The following DHRS2 variants were observed in gnomAD, a reference collection of about 807,000 sequenced individuals.
The protein encoded by DHRS2 is dehydrogenase/reductase 2, also known as dehydrogenase/reductase SDR family member 2, mitochondrial.
A neutral mutation model predicts 26.3 loss-of-function variants in DHRS2; 29 were observed. The observed-to-expected ratio is 1.10, with a 90% CI of 0.82 to 1.50. The LOEUF (loss-of-function observed/expected upper bound fraction) is 1.50. Ranked by LOEUF, DHRS2 falls within the 40% of genes most tolerant of loss-of-function variation. The pLI is 0.00. For synonymous variants in DHRS2, 164 were observed against 151.3 expected (o/e 1.08, Z -0.62); for missense variants, 439 against 367.1 (o/e 1.20, Z -1.60).
intron 1 of DHRS2, among the ~76,000 whole-genome samples, chr14:23,637,152 C>G (rs1308564199): frequency 6.6e-6 from 1 of 152,298 alleles, no homozygotes; most frequent in South Asian, 2.1e-4. Context: ...GACCCTTGCT[C>G]GCTGGGTCCT....
rs771136730 is a variant in DHRS2 at position 23,639,172 on chromosome 14, C to G, written c.141-7C>G. ...GGCTGACTTTTGCCCTCCATCTCTG[C>G]ATTCAGGATCGGCTTTGCCATCGCC... On this transcript the variant is annotated splice_region_variant and splice_polypyrimidine_tract_variant and intron_variant, in intron 2 of 8. Coordinates refer to ENST00000250383, the MANE Select transcript of DHRS2 (RefSeq NM_005794.4). The G allele has an allele frequency of 6.2e-7, 1 of 1,612,206 alleles. No homozygotes were observed. The highest frequency in any genetic ancestry group is 8.5e-7 in the Non-Finnish European group (1 of 1,179,354).
chr14:23,633,115 C>T (rs1021502780), upstream of DHRS2, among the ~76,000 whole-genome samples: 19 of 152,224 alleles, frequency 1.2e-4, no homozygotes, highest in African/African-American at 4.6e-4. Flanking sequence ...CCTAGACAAG[C>T]ATCCCTGGCA....
rs1215431049 is a variant in DHRS2 at position 23,639,073 on chromosome 14, G to A, written c.140+69G>A. 5.0e-6 allele frequency: 8 copies of A among 1,596,064 alleles called. 1 individual carries two copies. Among genetic ancestry groups the A allele is most frequent in the Non-Finnish European group, 6.8e-6 (8 of 1,171,246 alleles). ...CTTGTGGCTTCCACAAGGACTCAGGGTTTTAAAGCAAGACCCAGCCTTATT... is the reference window on the plus strand; with the variant it reads ...CTTGTGGCTTCCACAAGGACTCAGGATTTTAAAGCAAGACCCAGCCTTATT... On this transcript the variant is annotated intron_variant, in intron 2 of 8. Coordinates refer to ENST00000250383, the MANE Select transcript of DHRS2 (RefSeq NM_005794.4).
chr14:23,632,637 C>G (rs1890151349), upstream of DHRS2, among the ~76,000 whole-genome samples: 1 of 152,174 alleles, frequency 6.6e-6, no homozygotes, highest in Admixed American at 6.5e-5. Context: ...GATACAGACC[C>G]CTAACTCGAA....
At chr14:23,641,586 G>A (rs1388992734) in intron 4 of DHRS2, 6 of 1,286,448 alleles carry the variant, frequency 4.7e-6, no homozygotes, top group Non-Finnish European at 6.1e-6. Context: ...GTATTGGACA[G>A]ATATCCTGTG....
Position 23,636,428 on chromosome 14 carries a change from C to G in DHRS2, c.-383C>G, listed in dbSNP as rs1594236597. 6.6e-6 allele frequency: 1 copy of G among 152,144 alleles called. No homozygotes were observed. The highest frequency in any genetic ancestry group is 2.1e-4 in the South Asian group (1 of 4,818). 9.4% of individuals were successfully genotyped at this position (152,144 alleles called of 1,614,324 possible). ...TGTTCTTTTGGTCTTCATGATAAAT[C>G]TTGCTGCTGCTCACTCGTTGGGTCC... is the stretch of plus-strand genomic sequence containing the variant. On this transcript the variant is annotated 5_prime_UTR_variant, in exon 1 of 9. In the 5' UTR this introduces an upstream ATG that the reference lacks. Coordinates refer to ENST00000250383, the MANE Select transcript of DHRS2 (RefSeq NM_005794.4).
At chr14:23,644,240 C>A (rs1428190697) in intron 6 of DHRS2, 78 bp downstream of exon 6, 89 of 1,581,362 alleles carry the variant, frequency 5.6e-5, no homozygotes, top group Non-Finnish European at 7.5e-5. Context: ...GCCTTACAGA[C>A]AAAGTGCCTG....
At chr14:23,633,144 T>C (rs1429972586), upstream of DHRS2, among the ~76,000 whole-genome samples, 2 of 152,206 alleles carry the variant, frequency 1.3e-5, no homozygotes, top group South Asian at 4.1e-4. Flanking sequence ...TTCATGGTGA[T>C]ATATCTTCAT....
chr14:23,632,811 A>G (rs1314166665), upstream of DHRS2, among the ~76,000 whole-genome samples: 3 of 152,152 alleles, frequency 2.0e-5, no homozygotes, highest in African/African-American at 7.2e-5. Flanking sequence ...GCCTCCTGCA[A>G]GTTCACATCT....
At position 23,644,223 on chromosome 14, in the gene DHRS2, C is replaced by T. The variant is rs1276143053; in HGVS notation, c.540+61C>T. 1.9e-6 allele frequency: 3 copies of T among 1,593,908 alleles called. No individual in the cohort carries two copies. In the African/African-American group the frequency reaches 4.0e-5, roughly 21 times the overall value. On this transcript the variant is annotated intron_variant, in intron 6 of 8. Transcript: ENST00000250383. Reference sequence around the variant, plus strand: ...GGGTGAGGGGCAACTTTGTTCTTTTCCTCAGAGCCTTACAGACAAAGTGCC... The same window carrying T: ...GGGTGAGGGGCAACTTTGTTCTTTTTCTCAGAGCCTTACAGACAAAGTGCC...
chr14:23,645,036 A>G lies in DHRS2; in HGVS notation c.732-106A>G. The G allele has an allele frequency of 2.5e-6, 4 of 1,580,452 alleles. No homozygotes were observed. The South Asian group carries it at 3.4e-5, about 13-fold the overall frequency. On this transcript the variant is annotated intron_variant, in intron 8 of 8. Transcript: ENST00000250383. ...TGGAGGGTGCAAGTAGCCCTGCTGC[A>G]TCCACCTTGTTCCCCATGGAGCCCA...
upstream of DHRS2, among the ~76,000 whole-genome samples, chr14:23,632,907 A>G (rs943521171): frequency 2.6e-5 from 4 of 152,172 alleles, no homozygotes; most frequent in African/African-American, 9.7e-5. Flanking sequence ...GCACACTGCT[A>G]AGTCCCTGAG....
At chr14:23,637,464 C>T (rs528251928) in intron 1 of DHRS2, among the ~76,000 whole-genome samples, 3 of 152,222 alleles carry the variant, frequency 2.0e-5, no homozygotes, top group Admixed American at 6.5e-5. Flanking sequence ...AAATTGTATC[C>T]TTCCTATTCA....
At chr14:23,640,019 GTGGTAGTCC>G (rs1388633497) in intron 4 of DHRS2, 124 bp downstream of exon 4, 1 of 901,318 alleles carries the variant, frequency 1.1e-6, no homozygotes, top group Non-Finnish European at 1.5e-6. Flanking sequence ...CAGGCCCTGG[GTGGTAGTCC>G]TGCCTGGCCA....
At chr14:23,632,258 G>A (rs747922275), upstream of DHRS2, among the ~76,000 whole-genome samples, 2 of 152,152 alleles carry the variant, frequency 1.3e-5, no homozygotes, top group South Asian at 4.1e-4. Context: ...CCCCAGGGGG[G>A]GCATAACAAT....
At chr14:23,634,110 C>G (rs1890199982), upstream of DHRS2, among the ~76,000 whole-genome samples, 1 of 145,586 alleles carries the variant, frequency 6.9e-6, no homozygotes, top group Non-Finnish European at 1.5e-5. Context: ...CTCTGTCACC[C>G]AGGATGGAGT....
chr14:23,633,943 A>T (rs552956730), upstream of DHRS2, among the ~76,000 whole-genome samples: 7 of 152,328 alleles, frequency 4.6e-5, no homozygotes, highest in East Asian at 1.3e-3. Flanking sequence ...ACACATACGT[A>T]AAAAGTATAC....
chr14:23,642,070 C>A, intron 4 of DHRS2: 2 of 1,073,046 alleles, frequency 1.9e-6, no homozygotes, highest in Non-Finnish European at 2.3e-6. Flanking sequence ...AGTGTCAGGA[C>A]ATGTGTGACT....
At position 23,639,194 on chromosome 14, in the gene DHRS2, C is replaced by T. The variant is rs138205531; in HGVS notation, c.156C>T (p.Ile52=). The change falls in exon 3 of 9, where the codon ATC becomes ATT. Residue 52 remains isoleucine, a synonymous_variant. Coordinates refer to ENST00000250383, the MANE Select transcript of DHRS2 (RefSeq NM_005794.4). ...TGSTSGIGFA[I]ARRLARDGAH... Reference sequence around the variant, plus strand: ...CTGCATTCAGGATCGGCTTTGCCATCGCCCGACGTCTGGCCCGGGACGGGG... The same window carrying T: ...CTGCATTCAGGATCGGCTTTGCCATTGCCCGACGTCTGGCCCGGGACGGGG... 1.0e-4 allele frequency: 165 copies of T among 1,613,432 alleles called. No individual in the cohort carries two copies. Among genetic ancestry groups the T allele is most frequent in the African/African-American group, 1.0e-3 (75 of 74,922 alleles).
Sources: gnomAD v4.1 joint callset for allele counts (sites outside exome capture counted in the v4.1 genomes callset) on GRCh38, gnomAD v4.1.1 for gene constraint, MANE v1.5 for transcripts, NCBI Gene and HGNC (gene_info 2026-07-23, HGNC 2026-07-21) for gene names.